GPHN: variants seen among roughly 807,000 people sequenced by gnomAD.
GPHN encodes the protein gephyrin.
Under a neutral mutation model 95.5 loss-of-function variants are expected in GPHN, and 17 were observed. That is an observed-to-expected ratio of 0.18 (90% confidence interval 0.12 to 0.27). The LOEUF is 0.27. Among genes scored for constraint, GPHN ranks in the 10% least tolerant of loss-of-function variants. The probability of loss-of-function intolerance (pLI) is 1.00; values close to 1 mark genes in which losing one functional copy is unlikely to be tolerated. For missense variants in GPHN, 660 were observed against 978.1 expected (o/e 0.67, Z 4.34); for synonymous variants, 320 against 322.5 (o/e 0.99, Z 0.08).
the GPHN span, among the ~76,000 whole-genome samples, chr14:67,396,130 GT>G: frequency 2.0e-5 from 3 of 151,778 alleles, no homozygotes; most frequent in Admixed American, 6.6e-5. Flanking sequence ...AGGTCGCTTT[GT>G]TTTTTTGTTT....
At chr14:67,026,692 G>T (rs560833424) in intron 10 of GPHN, among the ~76,000 whole-genome samples, 2 of 152,254 alleles carry the variant, frequency 1.3e-5, no homozygotes, top group East Asian at 1.9e-4. Flanking sequence ...GCCCAGGTTG[G>T]AGTGCAGTGG....
the GPHN span, among the ~76,000 whole-genome samples, chr14:67,523,018 G>T: frequency 6.6e-6 from 1 of 152,134 alleles, no homozygotes; most frequent in East Asian, 1.9e-4. Flanking sequence ...TTGAGAACTG[G>T]GCTCCTGACT....
intron 6 of GPHN, among the ~76,000 whole-genome samples, chr14:66,918,800 C>T (rs1406782702): frequency 6.6e-6 from 1 of 152,094 alleles, no homozygotes; most frequent in African/African-American, 2.4e-5. Context: ...TCTCCTCGGT[C>T]AAGGTTAAAT....
At chr14:67,619,881 G>C in the GPHN span, 1 of 834,360 alleles carries the variant, frequency 1.2e-6, no homozygotes, top group Non-Finnish European at 1.8e-6. Context: ...GGCGGACGCT[G>C]GCGCGGGTAG....
intron 1 of GPHN, among the ~76,000 whole-genome samples, chr14:66,676,891 A>T (rs1362396635): frequency 6.6e-6 from 1 of 151,832 alleles, no homozygotes; most frequent in Admixed American, 6.6e-5. Flanking sequence ...AGCAAAATAG[A>T]TGTTCTTCTT....
At chr14:67,416,412 T>C in the GPHN span, among the ~76,000 whole-genome samples, 31,124 of 152,050 alleles carry the variant, frequency 0.2, 4,822 homozygotes, top group East Asian at 0.45. Context: ...TAGCGCATCA[T>C]TTGTAGGAAA....
rs1595433026 is a variant in GPHN, at chr14:67,159,582, A to G, written c.1910+94A>G. The stretch of plus-strand genomic sequence containing the variant: ...ATGCCTTCTTTTTACATTTCCTATT[A>G]TGAATTAACTATTCCAAAAAAAAAG... On this transcript the variant is annotated intron_variant, in intron 19 of 22. Coordinates refer to ENST00000478722, the MANE Select transcript of GPHN (RefSeq NM_020806.5). 3.8e-6 allele frequency: 3 copies of G among 789,746 alleles called. No homozygotes were observed. The East Asian group carries it at 7.3e-5, about 19-fold the overall frequency. The allele number at this position is 789,746 out of a possible 1,614,324, so 48.9% of individuals were successfully genotyped here.
At chr14:66,699,009 A>AC (rs1460533053) in intron 2 of GPHN, among the ~76,000 whole-genome samples, 4 of 151,916 alleles carry the variant, frequency 2.6e-5, no homozygotes, top group Non-Finnish European at 5.9e-5. Flanking sequence ...AATCATTGTG[A>AC]CCTGAGTGAG....
At chr14:66,767,463 A>T (rs2059006909) in intron 2 of GPHN, among the ~76,000 whole-genome samples, 1 of 151,120 alleles carries the variant, frequency 6.6e-6, no homozygotes, top group Non-Finnish European at 1.5e-5. Flanking sequence ...AAAAAAGAAA[A>T]GAGGGAAAAT....
At chr14:67,473,629 T>G in the GPHN span, 6 of 1,587,416 alleles carry the variant, frequency 3.8e-6, no homozygotes, top group Non-Finnish European at 5.1e-6. This position sits in a 1 kb window ranked among gnomAD's most constrained non-coding sequence, Gnocchi z 6.5. Context: ...GGGCAGGCGT[T>G]GAACTGGCGC....
intron 2 of GPHN, among the ~76,000 whole-genome samples, chr14:66,750,798 T>C (rs2153447592): frequency 6.6e-6 from 1 of 152,092 alleles, no homozygotes; most frequent in South Asian, 2.1e-4. Context: ...ACTTCTGACT[T>C]ACTGCCACAT....
chr14:67,527,495 T>C, the GPHN span, among the ~76,000 whole-genome samples: 1,115 of 152,310 alleles, frequency 7.3e-3, 19 homozygotes, highest in African/African-American at 0.025. Context: ...AAGTCAGCCC[T>C]CAATAAATAT....
chr14:67,627,256 G>GATAGATATATATATATAT, the GPHN span, among the ~76,000 whole-genome samples: 9 of 133,744 alleles, frequency 6.7e-5, no homozygotes, highest in African/African-American at 2.7e-4. Flanking sequence ...TCAGTAAGGA[G>GATAGATATATATATATAT]ATATATATAT....
chr14:67,298,270 T>G, the GPHN span, among the ~76,000 whole-genome samples: 2 of 152,158 alleles, frequency 1.3e-5, no homozygotes, highest in Admixed American at 1.3e-4. Context: ...TCAAAATAGT[T>G]ATACTGTTAC....
the GPHN span, among the ~76,000 whole-genome samples, chr14:67,339,538 T>C: frequency 6.6e-6 from 1 of 152,152 alleles, no homozygotes; most frequent in Admixed American, 6.5e-5. Context: ...GAACCGAGTA[T>C]ACAGATCCCT....
chr14:67,183,619 A>C (rs1458198096), downstream of GPHN, among the ~76,000 whole-genome samples: 1 of 151,846 alleles, frequency 6.6e-6, no homozygotes, highest in East Asian at 1.9e-4. Context: ...GCTGGAGTGC[A>C]GTGGCGCGAT....
rs569111503 is a variant in GPHN at position 66,798,226 on chromosome 14, A to C, written c.201+21705A>C. 7.9e-5 allele frequency among the ~76,000 whole-genome samples: 12 copies of C among 152,026 alleles called. No homozygotes were observed. In the South Asian group the frequency reaches 2.5e-3, roughly 32 times the overall value. On this transcript the variant is annotated intron_variant, in intron 3 of 22. Transcript: ENST00000478722. ...GATGTATTGCTGAATTCATTTTACT[A>C]ATATTTCATTGAGGAGTTTTGCATC...
intron 6 of GPHN, among the ~76,000 whole-genome samples, chr14:66,921,816 T>A (rs2153560893): frequency 6.6e-6 from 1 of 152,174 alleles, no homozygotes; most frequent in Middle Eastern, 3.4e-3. Context: ...AACTACACTA[T>A]AAGGCCATAG....
At chr14:67,100,357 A>C (rs1054988679) in intron 12 of GPHN, among the ~76,000 whole-genome samples, 2 of 152,226 alleles carry the variant, frequency 1.3e-5, no homozygotes, top group African/African-American at 4.8e-5. Context: ...GGAAGCCCAG[A>C]CTGGGAGACA....
Sources: allele counts gnomAD v4.1 joint callset (sites outside exome capture counted in the v4.1 genomes callset), GRCh38; gene constraint gnomAD v4.1.1; non-coding constraint Gnocchi (gnomAD v3.1); transcripts MANE v1.5; gene names NCBI Gene and HGNC (gene_info 2026-07-23, HGNC 2026-07-21).